Variants in RGS17 observed in about 807,000 individuals in gnomAD.
The protein encoded by RGS17 is regulator of G-protein signaling 17.
In RGS17, 12 loss-of-function variants were observed where a neutral mutation model predicts 25.5. That is an observed-to-expected ratio of 0.47 (90% confidence interval 0.30 to 0.76). RGS17 has a LOEUF of 0.76. Among genes scored for constraint, RGS17 ranks in the 30% least tolerant of loss-of-function variants. The pLI, the probability that RGS17 is intolerant of heterozygous loss-of-function variation, is 0.07. For missense variants in RGS17, 196 were observed against 242.2 expected, an observed-to-expected ratio of 0.81 and a Z score of 1.27; for synonymous variants, 71 against 76.9, an observed-to-expected ratio of 0.92 and a Z score of 0.40.
chr6:153,074,289 T>C (rs377272646), intron 1 of RGS17, among the ~76,000 whole-genome samples: 1 of 118,572 alleles, frequency 8.4e-6, no homozygotes, highest in Non-Finnish European at 1.7e-5. Flanking sequence ...TGTTCATTTA[T>C]ACACAATCAG....
intron 1 of RGS17, among the ~76,000 whole-genome samples, chr6:153,124,847 G>C (rs1562340649): frequency 6.6e-6 from 1 of 152,088 alleles, no homozygotes; most frequent in South Asian, 2.1e-4. Flanking sequence ...TGAAAAAATA[G>C]GAGAGTTTAG....
intron 2 of RGS17, among the ~76,000 whole-genome samples, chr6:153,037,518 C>G (rs989602712): frequency 2.0e-5 from 3 of 151,978 alleles, no homozygotes; most frequent in African/African-American, 7.3e-5. Context: ...CTCAGCCCCC[C>G]AGGTTCAAGC....
intron 1 of RGS17, among the ~76,000 whole-genome samples, chr6:153,069,151 C>T (rs150808225): frequency 6.6e-6 from 1 of 152,282 alleles, no homozygotes; most frequent in East Asian, 1.9e-4. Context: ...GATATCTGCA[C>T]TCCCGTGTTT....
chr6:153,077,375 C>A (rs184860563), intron 1 of RGS17, among the ~76,000 whole-genome samples: 2 of 152,088 alleles, frequency 1.3e-5, no homozygotes, highest in East Asian at 3.9e-4. Context: ...ATAGTTGGGA[C>A]AATTGGGGAA....
chr6:153,044,182 A>C, intron 1 of RGS17, 139 bp from the exon 2 acceptor site: 1 of 592,246 alleles, frequency 1.7e-6, no homozygotes, highest in Non-Finnish European at 3.0e-6. Flanking sequence ...GAGAGGCCAA[A>C]CTAAAAATTC....
intron 1 of RGS17, among the ~76,000 whole-genome samples, chr6:153,127,954 GCTGGCAC>G (rs1777726536): frequency 6.6e-6 from 1 of 152,172 alleles, no homozygotes; most frequent in Non-Finnish European, 1.5e-5. Context: ...TGTGCCAGGT[GCTGGCAC>G]AATAGCAGGA....
intron 1 of RGS17, among the ~76,000 whole-genome samples, chr6:153,084,755 C>G (rs899436190): frequency 6.6e-6 from 1 of 152,156 alleles, no homozygotes; most frequent in African/African-American, 2.4e-5. Flanking sequence ...CGAATGGTGT[C>G]TTTGACCAGA....
intron 1 of RGS17, among the ~76,000 whole-genome samples, chr6:153,099,635 C>T (rs968436277): frequency 6.6e-6 from 1 of 151,876 alleles, no homozygotes; most frequent in Non-Finnish European, 1.5e-5. Flanking sequence ...AATACAAAAG[C>T]GTTTGGGTAG....
At chr6:153,086,045 T>C (rs1414649724) in intron 1 of RGS17, among the ~76,000 whole-genome samples, 1 of 152,184 alleles carries the variant, frequency 6.6e-6, no homozygotes, top group Non-Finnish European at 1.5e-5. Context: ...ATTACGTCCC[T>C]ACTAACTCAT....
chr6:153,097,470 C>T (rs1048274261), intron 1 of RGS17, among the ~76,000 whole-genome samples: 5 of 151,412 alleles, frequency 3.3e-5, no homozygotes, highest in Admixed American at 2.0e-4. Context: ...AACTTTGGCA[C>T]CCAGGAATGA....
rs1777125303 is a variant in RGS17, at chr6:153,091,230, TG to T, written c.-26+39893del. On this transcript the variant is annotated intron_variant, in intron 1 of 4. Coordinates refer to ENST00000206262, the MANE Select transcript of RGS17 (RefSeq NM_012419.5). ...CAGAATGATATTCACATGTTGTTGC[TG>T]CCTAGGAAAACAATCTAAAGGCACA... 1.3e-5 allele frequency among the ~76,000 whole-genome samples: 2 copies of T among 152,210 alleles called. 1 individual carries two copies. The highest frequency in any genetic ancestry group is 4.1e-4 in the South Asian group (2 of 4,834).
chr6:153,039,502 G>A (rs1419557399), intron 2 of RGS17, among the ~76,000 whole-genome samples: 1 of 152,156 alleles, frequency 6.6e-6, no homozygotes, highest in African/African-American at 2.4e-5. Context: ...ACATTTTGGA[G>A]AGATGGTAGC....
intron 1 of RGS17, among the ~76,000 whole-genome samples, chr6:153,081,969 T>G (rs1487423570): frequency 6.6e-6 from 1 of 152,160 alleles, no homozygotes; most frequent in African/African-American, 2.4e-5. Flanking sequence ...GGATAAAGCT[T>G]TTATTTAGGC....
In RGS17 at chr6:153,009,301, C is replaced by G. The variant is rs145126138; in HGVS notation, c.*2273G>C. ...GCATGCAGTGTATCACAGTATATTA[C>G]ATATTTTCTAGTCATGTGCACCAAT... On this transcript the variant is annotated 3_prime_UTR_variant, in exon 5 of 5. Coordinates refer to ENST00000206262, the MANE Select transcript of RGS17 (RefSeq NM_012419.5). 1.3e-4 allele frequency: 20 copies of G among 152,168 alleles called. No homozygotes were observed. The East Asian group carries it at 3.7e-3, about 28-fold the overall frequency. The allele number at this position is 152,168 out of a possible 1,614,324, so 9.4% of individuals were successfully genotyped here. A position where few individuals can be genotyped will look rare whatever the true frequency, so the allele number is the denominator to read the frequency against.
At chr6:153,128,217 T>C (rs1330748781) in intron 1 of RGS17, among the ~76,000 whole-genome samples, 1 of 152,226 alleles carries the variant, frequency 6.6e-6, no homozygotes, top group Non-Finnish European at 1.5e-5. Context: ...CATTCACACT[T>C]ACACTCTAAC....
intron 1 of RGS17, among the ~76,000 whole-genome samples, chr6:153,076,377 T>C (rs2129118252): frequency 6.6e-6 from 1 of 152,278 alleles, no homozygotes; most frequent in African/African-American, 2.4e-5. Flanking sequence ...AACTGTAATA[T>C]TGCAACTGAA....
intron 1 of RGS17, among the ~76,000 whole-genome samples, chr6:153,118,860 G>A (rs879405069): frequency 9.9e-5 from 15 of 151,726 alleles, no homozygotes; most frequent in Admixed American, 2.0e-4. Context: ...CTAATCTTTG[G>A]TGTAGGATTA....
At position 153,071,882 on chromosome 6, in the gene RGS17, C is replaced by T. The variant is rs142624420; in HGVS notation, c.-25-27839G>A. On this transcript the variant is annotated intron_variant, in intron 1 of 4. Transcript: ENST00000206262. ...TTTGGGCAAGTTATCTAAACTATTTCGAGCACTAAGTCATGCAATTATAAA... is the reference window on the plus strand; with the variant it reads ...TTTGGGCAAGTTATCTAAACTATTTTGAGCACTAAGTCATGCAATTATAAA... Among the ~76,000 whole-genome samples the T allele has an allele frequency of 2.6e-3, 391 of 152,172 alleles. 2 individuals carry two copies. The highest frequency in any genetic ancestry group is 8.1e-3 in the South Asian group (39 of 4,818).
chr6:153,050,124 A>G (rs1186870674), intron 1 of RGS17, among the ~76,000 whole-genome samples: 1 of 152,226 alleles, frequency 6.6e-6, no homozygotes, highest in Non-Finnish European at 1.5e-5. Context: ...AAGTGATAAT[A>G]CATGCAAAAA....
Sources: gnomAD v4.1 joint callset for allele counts (sites outside exome capture counted in the v4.1 genomes callset) on GRCh38, gnomAD v4.1.1 for gene constraint, MANE v1.5 for transcripts, NCBI Gene and HGNC (gene_info 2026-07-23, HGNC 2026-07-21) for gene names.